JPH3: variants seen among roughly 807,000 people sequenced by gnomAD.
JPH3 encodes the protein junctophilin-3.
In JPH3, 11 loss-of-function variants were observed where a neutral mutation model predicts 59.6. That is an observed-to-expected ratio of 0.18 (90% CI 0.12 to 0.31). The LOEUF (loss-of-function observed/expected upper bound fraction) is 0.31, where lower values mean the gene tolerates loss of function less well. JPH3 is among the 10% of genes least tolerant of loss of function. JPH3 has a pLI of 1.00. For missense variants in JPH3, 1,202 were observed against 1,105.7 expected (o/e 1.09, Z -1.24); for synonymous variants, 673 against 483.6 (o/e 1.39, Z -5.14).
intron 2 of JPH3, among the ~76,000 whole-genome samples, chr16:87,656,020 G>A (rs961459742): frequency 3.9e-5 from 6 of 152,226 alleles, no homozygotes; most frequent in South Asian, 2.1e-4. Flanking sequence ...GTGGAGCCTC[G>A]ATAGTGGGTC....
At chr16:87,657,761 ACCTGGGAGTTG>A (rs200836377) in intron 2 of JPH3, among the ~76,000 whole-genome samples, 4,047 of 152,214 alleles carry the variant, frequency 0.027, 167 homozygotes, top group African/African-American at 0.089. Context: ...TAAGGATGCA[ACCTGGGAGTTG>A]CCCCGAGGAC....
chr16:87,614,482 G>C (rs28656225), intron 1 of JPH3, among the ~76,000 whole-genome samples: 2 of 120,518 alleles, frequency 1.7e-5, no homozygotes, highest in South Asian at 5.5e-4. Flanking sequence ...CTGCACACAC[G>C]AGGGTCCGCG....
rs1041222845 is a variant in JPH3, at chr16:87,696,504, C to A, written c.2167-76C>A. 3 of 1,214,754 alleles carry A rather than the reference C, an allele frequency of 2.5e-6. No homozygotes were observed. In the African/African-American group the frequency reaches 4.5e-5, roughly 18 times the overall value. The allele number at this position is 1,214,754 out of a possible 1,614,324, so 75.2% of individuals were successfully genotyped here. ...AGGGTCTGCTAGCTTGGTGAAAAGA[C>A]GTGGGTGGGAGGCGTGGTGGCCCAG... On this transcript the variant is annotated intron_variant, in intron 4 of 4. Coordinates refer to ENST00000284262, the MANE Select transcript of JPH3 (RefSeq NM_020655.4).
chr16:87,656,545 AG>A lies in JPH3; in HGVS notation c.1160+11512del, dbSNP rs923684168. Among the ~76,000 whole-genome samples, 52 of 152,336 alleles carry A rather than the reference AG, an allele frequency of 3.4e-4. 1 individual carries two copies. Among genetic ancestry groups the A allele is most frequent in the African/African-American group, 1.3e-3 (52 of 41,578 alleles). On this transcript the variant is annotated intron_variant, in intron 2 of 4. Coordinates refer to ENST00000284262, the MANE Select transcript of JPH3 (RefSeq NM_020655.4). Reference sequence around the variant, plus strand: ...CGGCTCAGGGCCGGGCCCAGTTTCCAGGCTTGATCTTGCAGTGTTTGGGGGC... The same window carrying A: ...CGGCTCAGGGCCGGGCCCAGTTTCCAGCTTGATCTTGCAGTGTTTGGGGGC...
intron 2 of JPH3, among the ~76,000 whole-genome samples, chr16:87,678,759 T>C (rs968588103): frequency 2.0e-5 from 3 of 152,070 alleles, no homozygotes; most frequent in Admixed American, 1.3e-4. Flanking sequence ...AAGAGTGCCC[T>C]CGTGAGGCAG....
intron 1 of JPH3, among the ~76,000 whole-genome samples, chr16:87,624,802 T>C (rs928536817): frequency 3.9e-5 from 6 of 152,184 alleles, no homozygotes; most frequent in African/African-American, 1.4e-4. Flanking sequence ...TTTTATTTAT[T>C]TCATTTTATT....
At chr16:87,601,985 G>A (rs1193241363), upstream of JPH3, 1 of 152,560 alleles carries the variant, frequency 6.6e-6, no homozygotes, top group Non-Finnish European at 1.5e-5. Flanking sequence ...GAAGAAGGAA[G>A]CATTGTTTGT....
intron 1 of JPH3, chr16:87,604,105 T>G: frequency 7.5e-7 from 1 of 1,324,924 alleles, no homozygotes; most frequent in Non-Finnish European, 9.8e-7. Flanking sequence ...GGACGCGGAC[T>G]AGCGCTGTCG....
intron 2 of JPH3, among the ~76,000 whole-genome samples, chr16:87,667,414 T>G (rs2150863969): frequency 6.6e-6 from 1 of 152,384 alleles, no homozygotes; most frequent in East Asian, 1.9e-4. Flanking sequence ...TGTCATGCTC[T>G]GATCCGAACA....
chr16:87,626,894 C>A (rs771121213), intron 1 of JPH3, among the ~76,000 whole-genome samples: 1 of 152,160 alleles, frequency 6.6e-6, no homozygotes, highest in Non-Finnish European at 1.5e-5. Flanking sequence ...AATCCCAGCA[C>A]TTTGGGGAGG....
At chr16:87,613,783 G>C (rs190038821) in intron 1 of JPH3, among the ~76,000 whole-genome samples, 1 of 152,154 alleles carries the variant, frequency 6.6e-6, no homozygotes, top group African/African-American at 2.4e-5. Context: ...CATCTATTTT[G>C]TTCCAAGTAT....
chr16:87,656,494 G>C (rs1001461458), intron 2 of JPH3, among the ~76,000 whole-genome samples: 6 of 152,212 alleles, frequency 3.9e-5, no homozygotes, highest in African/African-American at 1.4e-4. Flanking sequence ...ATCAGATTAC[G>C]GAGTTCATAT....
intron 2 of JPH3, among the ~76,000 whole-genome samples, chr16:87,659,013 T>C (rs1388405424): frequency 6.6e-6 from 1 of 152,202 alleles, no homozygotes; most frequent in Non-Finnish European, 1.5e-5. Flanking sequence ...GGTCACTTAG[T>C]CTGGGACAGC....
chr16:87,688,794 C>T lies in JPH3; in HGVS notation c.1286-852C>T, dbSNP rs376115512. ...CTGTTCCCCGGAGGGTAAGAAGCGC[C>T]GCGTTCTTGGGTTTCTCCTAATGGA... On this transcript the variant is annotated intron_variant, in intron 3 of 4. Coordinates refer to ENST00000284262, the MANE Select transcript of JPH3 (RefSeq NM_020655.4). Among the ~76,000 whole-genome samples, 20 of 152,292 alleles carry T rather than the reference C, an allele frequency of 1.3e-4. 1 individual carries two copies. Among genetic ancestry groups the T allele is most frequent in the East Asian group, 9.7e-4 (5 of 5,180 alleles).
intron 2 of JPH3, among the ~76,000 whole-genome samples, chr16:87,659,869 C>G (rs1213716591): frequency 2.0e-5 from 3 of 152,188 alleles, no homozygotes; most frequent in African/African-American, 7.2e-5. Flanking sequence ...CCTTGAAACA[C>G]TAACTCCCCC....
chr16:87,643,547 C>T (rs1023579643), intron 1 of JPH3, among the ~76,000 whole-genome samples: 5 of 152,226 alleles, frequency 3.3e-5, no homozygotes, highest in African/African-American at 2.4e-5. Flanking sequence ...GCAGCCCATT[C>T]AGGGCTTAGT....
chr16:87,692,565 A>T (rs2033623436), intron 4 of JPH3, among the ~76,000 whole-genome samples: 1 of 113,044 alleles, frequency 8.8e-6, no homozygotes, highest in South Asian at 3.0e-4. Flanking sequence ...CACTGGCCAC[A>T]GATGGGCCTG....
intron 1 of JPH3, among the ~76,000 whole-genome samples, chr16:87,625,424 A>G (rs1042646540): frequency 2.0e-5 from 3 of 152,010 alleles, no homozygotes; most frequent in African/African-American, 7.2e-5. Flanking sequence ...CAGCCCCATC[A>G]TCAGCCGCTG....
chr16:87,690,008 G>C lies in JPH3; in HGVS notation c.1648G>C (p.Gly550Arg), dbSNP rs1429190227. ...RGVRSGALRG[G>R]LLVDDFRTRG... is the part of the protein sequence containing the mutation. ...TGTCCGCAGCGGTGCCCTGCGCGGC[G>C]GCCTGCTCGTGGATGACTTCCGCAC... Residue 550 changes from glycine to arginine, a missense_variant, in exon 4 of 5, where the codon GGC becomes CGC. Gly to Arg is a moderately radical substitution (Grantham distance 125). Transcript: ENST00000284262. 1 of 1,516,376 alleles carries C rather than the reference G, an allele frequency of 6.6e-7. No individual in the cohort carries two copies. Among genetic ancestry groups the C allele is most frequent in the Admixed American group, 2.1e-5 (1 of 46,916 alleles). The allele number at this position is 1,516,376 out of a possible 1,614,324, so 93.9% of individuals were successfully genotyped here.
Sources: allele counts gnomAD v4.1 joint callset (sites outside exome capture counted in the v4.1 genomes callset), GRCh38; gene constraint gnomAD v4.1.1; transcripts MANE v1.5; gene names NCBI Gene and HGNC (gene_info 2026-07-23, HGNC 2026-07-21).